CDH23: variants seen among roughly 807,000 people sequenced by gnomAD.
CDH23 encodes cadherin related 23.
In CDH23, 189 loss-of-function variants were observed where a neutral mutation model predicts 317.1. The observed-to-expected ratio is 0.60, with a 90% CI of 0.53 to 0.67. CDH23 has a LOEUF of 0.67. Ranked by LOEUF, CDH23 falls within the 30% of genes least tolerant of loss-of-function variation. The probability of loss-of-function intolerance (pLI) is 0.00; values close to 1 mark genes in which losing one functional copy is unlikely to be tolerated. For missense variants in CDH23, 4,401 were observed against 4,592.4 expected (o/e 0.96, Z 1.20); for synonymous variants, 1,839 against 1,876.8 (o/e 0.98, Z 0.52).
intron 18 of CDH23, among the ~76,000 whole-genome samples, chr10:71,683,458 G>A (rs911628801): frequency 3.3e-5 from 5 of 152,176 alleles, no homozygotes; most frequent in African/African-American, 9.7e-5. Flanking sequence ...GCCCACGCCC[G>A]GCCTTAACAA....
chr10:71,690,381 C>T (rs374440280), intron 19 of CDH23, 87 bp from the exon 20 acceptor site: 18 of 973,720 alleles, frequency 1.8e-5, no homozygotes, highest in African/African-American at 6.5e-5. Flanking sequence ...CTTGGGCCAG[C>T]GCAAATGCTG....
chr10:71,416,744 T>G (rs906905386), intron 1 of CDH23, among the ~76,000 whole-genome samples: 1 of 152,022 alleles, frequency 6.6e-6, no homozygotes, highest in Non-Finnish European at 1.5e-5. Flanking sequence ...CATAGGTCAC[T>G]GCAACCTTGA....
In CDH23 at chr10:71,802,996, G is replaced by A. The variant is rs751607601; in HGVS notation, c.7581G>A (p.Ser2527=). The stretch of plus-strand genomic sequence containing the variant: ...ATGAGAATGAGCCGGCGGGCACCTC[G>A]GTCATCACCATGATGGCCACTGACC... ...SVYENEPAGT[S]VITMMATDQD... The change falls in exon 54 of 70, where the codon TCG becomes TCA. Residue 2527 remains serine (S), a synonymous_variant. Coordinates refer to ENST00000224721, the MANE Select transcript of CDH23 (RefSeq NM_022124.6). The A allele has an allele frequency of 5.0e-6, 8 of 1,613,870 alleles. No individual in the cohort carries two copies. The highest frequency in any genetic ancestry group is 2.2e-5 in the South Asian group (2 of 91,084).
chr10:71,490,429 G>A (rs925132323), intron 3 of CDH23, among the ~76,000 whole-genome samples: 3 of 152,182 alleles, frequency 2.0e-5, no homozygotes, highest in Admixed American at 1.3e-4. Context: ...CACACATACT[G>A]AAGCCACATG....
chr10:71,777,774 CAG>C lies in CDH23; in HGVS notation c.4942_4943del (p.Asp1648HisfsTer16), dbSNP rs1564788732. On this transcript the variant is annotated frameshift_variant, in exon 39 of 70. Transcript: ENST00000224721. LOFTEE classifies it high-confidence loss of function. ...TATGAGGTGCTGCTGGATGAGGGCC[CAG>C]ACACGCTCAACACCAGCCTCATCAC... is the stretch of plus-strand genomic sequence containing the variant. 1.2e-6 allele frequency: 2 copies of C among 1,613,862 alleles called. No individual in the cohort carries two copies. The highest frequency in any genetic ancestry group is 1.7e-5 in the Admixed American group (1 of 60,010).
chr10:71,602,649 C>G (rs986791176), intron 9 of CDH23, among the ~76,000 whole-genome samples: 2 of 152,144 alleles, frequency 1.3e-5, no homozygotes, highest in African/African-American at 2.4e-5. Context: ...TGCCATTGCA[C>G]CCCACCCTGC....
chr10:71,688,709 G>A (rs997397729), intron 19 of CDH23, among the ~76,000 whole-genome samples: 4 of 131,968 alleles, frequency 3.0e-5, no homozygotes, highest in Non-Finnish European at 3.3e-5. Flanking sequence ...AGCCAGGGGT[G>A]GTGGAGTCAG....
At chr10:71,760,806 G>T in intron 38 of CDH23, 1 of 1,511,172 alleles carries the variant, frequency 6.6e-7, no homozygotes. Flanking sequence ...ACAGGGTCTG[G>T]GTGCAGGATG....
chr10:71,799,876 G>T (rs1360691821), intron 52 of CDH23, among the ~76,000 whole-genome samples: 3 of 152,194 alleles, frequency 2.0e-5, no homozygotes, highest in Non-Finnish European at 4.4e-5. Context: ...AGCCCTTTGT[G>T]GGACAACATC....
chr10:71,560,133 C>T (rs1217077727), intron 6 of CDH23, among the ~76,000 whole-genome samples: 1 of 152,204 alleles, frequency 6.6e-6, no homozygotes, highest in Non-Finnish European at 1.5e-5. Context: ...ATGCCACAAA[C>T]CCCCATATTT....
intron 25 of CDH23, among the ~76,000 whole-genome samples, chr10:71,706,034 T>C (rs185107879): frequency 9.9e-5 from 15 of 152,270 alleles, no homozygotes; most frequent in Admixed American, 2.6e-4. Context: ...GACCCCCTTA[T>C]TGGCCGATGA....
In CDH23 at chr10:71,793,328, A is replaced by G. The variant is rs766284893; in HGVS notation, c.6400A>G (p.Arg2134Gly). Reference sequence around the variant, plus strand: ...CCGTGTTGGTAATGCCACCATCGACAGAGAGGAGCAGGAGTCCTACAGGCT... The same window carrying G: ...CCGTGTTGGTAATGCCACCATCGACGGAGAGGAGCAGGAGTCCTACAGGCT... ...VIRVGNATID[R>G]EEQESYRLTV... Residue 2134 changes from arginine (R) to glycine (G), a missense_variant, in exon 48 of 70, where the codon AGA becomes GGA. By Grantham distance (125) the Arg-to-Gly change is moderately radical. This residue lies in a region of CDH23 where 3,068 missense variants were observed against 3,203.3 expected (regional missense o/e 0.96). Coordinates refer to ENST00000224721, the MANE Select transcript of CDH23 (RefSeq NM_022124.6). 1.9e-6 allele frequency: 3 copies of G among 1,613,886 alleles called. No individual in the cohort carries two copies. The highest frequency in any genetic ancestry group is 2.7e-5 in the African/African-American group (2 of 74,922).
At chr10:71,663,662 C>T (rs1863769523) in intron 14 of CDH23, among the ~76,000 whole-genome samples, 1 of 152,236 alleles carries the variant, frequency 6.6e-6, no homozygotes, top group Non-Finnish European at 1.5e-5. Flanking sequence ...GTATTAGTAC[C>T]TGTCTCATAG....
chr10:71,752,932 C>G (rs1840041981), intron 38 of CDH23: 1 of 1,605,308 alleles, frequency 6.2e-7, no homozygotes, highest in South Asian at 1.1e-5. Flanking sequence ...TCCTGGATAG[C>G]CGGCCCAGGA....
chr10:71,471,420 T>C (rs939992430), intron 3 of CDH23, among the ~76,000 whole-genome samples: 3 of 152,126 alleles, frequency 2.0e-5, no homozygotes, highest in African/African-American at 7.2e-5. Flanking sequence ...GATTGTGCCT[T>C]CTCTGTCTCC....
At chr10:71,705,874 G>A (rs192529951) in intron 25 of CDH23, among the ~76,000 whole-genome samples, 3 of 152,240 alleles carry the variant, frequency 2.0e-5, no homozygotes, top group Admixed American at 2.0e-4. Flanking sequence ...TGGGATGGTA[G>A]GGGGCGGGGG....
intron 14 of CDH23, chr10:71,647,200 C>T (rs1364500304): frequency 2.2e-5 from 13 of 601,484 alleles, no homozygotes; most frequent in Non-Finnish European, 2.3e-5. Context: ...CGGTGGCTCA[C>T]GCCTGTCATC....
At chr10:71,589,109 G>C (rs960218213) in intron 9 of CDH23, among the ~76,000 whole-genome samples, 13 of 149,898 alleles carry the variant, frequency 8.7e-5, no homozygotes, top group African/African-American at 3.3e-4. Context: ...CTTTCTTACA[G>C]AGCCCATTGT....
intron 3 of CDH23, among the ~76,000 whole-genome samples, chr10:71,470,693 G>C (rs1477691793): frequency 6.6e-6 from 1 of 152,048 alleles, no homozygotes; most frequent in African/African-American, 2.4e-5. Context: ...GGGTCTTGCT[G>C]TGTTGTCTGG....
Sources: allele counts gnomAD v4.1 joint callset (sites outside exome capture counted in the v4.1 genomes callset), GRCh38; gene constraint gnomAD v4.1.1; regional missense constraint gnomAD v4.1.1; transcripts MANE v1.5; gene names NCBI Gene and HGNC (gene_info 2026-07-23, HGNC 2026-07-21).